CDYL: variants seen among roughly 807,000 people sequenced by gnomAD.
CDYL encodes the protein chromodomain Y like, also known as chromodomain Y-like protein.
CDYL carries 8 observed loss-of-function variants against 47.3 expected under a neutral mutation model. That is an observed-to-expected ratio of 0.17 (90% CI 0.10 to 0.31). CDYL has a LOEUF of 0.31. CDYL is among the 10% of genes least tolerant of loss of function. The pLI is 1.00. For missense variants in CDYL, 471 were observed against 701.4 expected, an observed-to-expected ratio of 0.67 and a Z score of 3.71; for synonymous variants, 266 against 265.0, an observed-to-expected ratio of 1.00 and a Z score of -0.04.
chr6:4,811,259 A>G (rs1561648859), intron 1 of CDYL, among the ~76,000 whole-genome samples: 1 of 152,258 alleles, frequency 6.6e-6, no homozygotes, highest in Non-Finnish European at 1.5e-5. Flanking sequence ...TATGTTGCAT[A>G]GATAATACTA....
chr6:4,809,002 C>T (rs549112700), intron 1 of CDYL, among the ~76,000 whole-genome samples: 1 of 152,160 alleles, frequency 6.6e-6, no homozygotes, highest in Non-Finnish European at 1.5e-5. Flanking sequence ...GGTATACACT[C>T]AGAAAAGCCT....
intron 2 of CDYL, among the ~76,000 whole-genome samples, chr6:4,912,155 C>T (rs1757432779): frequency 6.6e-6 from 1 of 152,150 alleles, no homozygotes; most frequent in Non-Finnish European, 1.5e-5. Context: ...CGAGATGATC[C>T]CTGGTGGGAG....
intron 1 of CDYL, among the ~76,000 whole-genome samples, chr6:4,815,811 C>T (rs563490692): frequency 6.6e-6 from 1 of 151,014 alleles, no homozygotes; most frequent in South Asian, 2.1e-4. Flanking sequence ...AATTTACTGC[C>T]TGTTTTGGCT....
intron 2 of CDYL, among the ~76,000 whole-genome samples, chr6:4,902,789 T>G (rs1407047779): frequency 6.6e-6 from 1 of 152,234 alleles, no homozygotes; most frequent in East Asian, 1.9e-4. Flanking sequence ...GCAGAAGGTT[T>G]AACTAACGTG....
intron 3 of CDYL, among the ~76,000 whole-genome samples, chr6:4,770,960 T>C (rs1297337567): frequency 3.3e-5 from 5 of 152,222 alleles, no homozygotes; most frequent in South Asian, 2.1e-4. Context: ...TATATGTGCG[T>C]GCATATATAA....
chr6:4,889,203 C>CA (rs1761973226), intron 1 of CDYL, among the ~76,000 whole-genome samples: 1 of 152,012 alleles, frequency 6.6e-6, no homozygotes, highest in Non-Finnish European at 1.5e-5. Context: ...CCGGTTAACT[C>CA]AAAGAATGGT....
chr6:4,853,267 C>T (rs1328662741), intron 1 of CDYL, among the ~76,000 whole-genome samples: 1 of 152,170 alleles, frequency 6.6e-6, no homozygotes, highest in Non-Finnish European at 1.5e-5. Context: ...AGAATTACCA[C>T]ATTCAGTTCT....
intron 1 of CDYL, among the ~76,000 whole-genome samples, chr6:4,891,436 C>T (rs1008102134): frequency 1.3e-5 from 2 of 152,066 alleles, no homozygotes; most frequent in African/African-American, 2.4e-5. Flanking sequence ...GGCTTCAACA[C>T]AGAAATAGCA....
In CDYL at chr6:4,909,704, G is replaced by A. The variant is rs148179077; in HGVS notation, c.691+17325G>A. 5.7e-4 allele frequency among the ~76,000 whole-genome samples: 87 copies of A among 151,816 alleles called. 2 individuals are homozygous for A. Among genetic ancestry groups the A allele is most frequent in the Middle Eastern group, 3.5e-3 (1 of 286 alleles). On this transcript the variant is annotated intron_variant, in intron 2 of 6. Coordinates refer to ENST00000397588, the MANE Select transcript of CDYL (RefSeq NM_004824.4). ...CCTGCCTCAGCCTCCCGATTTAGCT[G>A]GGACTACAGGCTCCCACCACCACGC...
At chr6:4,840,741 A>G (rs935481952) in intron 1 of CDYL, among the ~76,000 whole-genome samples, 14 of 151,870 alleles carry the variant, frequency 9.2e-5, no homozygotes, top group African/African-American at 3.4e-4. Flanking sequence ...CTGATATGAA[A>G]CCCACTTGAT....
At chr6:4,723,997 C>T (rs1031142238) in intron 2 of CDYL, among the ~76,000 whole-genome samples, 3 of 152,196 alleles carry the variant, frequency 2.0e-5, no homozygotes, top group African/African-American at 7.2e-5. Flanking sequence ...TTATTTTACT[C>T]ATCCCACATA....
chr6:4,894,652 G>A (rs535700507), intron 2 of CDYL, among the ~76,000 whole-genome samples: 12 of 152,044 alleles, frequency 7.9e-5, no homozygotes, highest in Non-Finnish European at 1.6e-4. Context: ...GTTTCACCAC[G>A]TTGGCCAGGC....
chr6:4,925,969 G>T (rs1266715999), intron 2 of CDYL, among the ~76,000 whole-genome samples: 1 of 152,162 alleles, frequency 6.6e-6, no homozygotes, highest in African/African-American at 2.4e-5. Flanking sequence ...CAACTAGTTA[G>T]GTAGATTTCA....
chr6:4,814,798 C>T (rs980128531), intron 1 of CDYL, among the ~76,000 whole-genome samples: 9 of 152,200 alleles, frequency 5.9e-5, no homozygotes, highest in Admixed American at 5.9e-4. Context: ...GCTGGAATTA[C>T]AGGTGGGAGC....
intron 1 of CDYL, among the ~76,000 whole-genome samples, chr6:4,864,083 A>G (rs1761251325): frequency 6.6e-6 from 1 of 152,218 alleles, no homozygotes; most frequent in Non-Finnish European, 1.5e-5. Context: ...GGATTTCCAC[A>G]GTAATCATAG....
Position 4,760,866 on chromosome 6 carries a change from T to C in CDYL, c.186+26022T>C, listed in dbSNP as rs1057372828. Among the ~76,000 whole-genome samples, 5 of 151,932 alleles carry C rather than the reference T, an allele frequency of 3.3e-5. No individual in the cohort carries two copies. In the South Asian group the frequency reaches 8.3e-4, roughly 25 times the overall value. ...GAGCCTTCTGGGATTTTTTTTTTTTTCTGGGATTCTCTCTCAACCAACCCA... is the reference window on the plus strand; with the variant it reads ...GAGCCTTCTGGGATTTTTTTTTTTTCCTGGGATTCTCTCTCAACCAACCCA... On this transcript the variant is annotated intron_variant, in intron 3 of 8. Coordinates refer to the CDYL transcript ENST00000328908.
At chr6:4,804,666 A>G (rs1398096608) in intron 1 of CDYL, among the ~76,000 whole-genome samples, 62 of 152,292 alleles carry the variant, frequency 4.1e-4, no homozygotes, top group Non-Finnish European at 7.4e-5. Context: ...CTGTTTTTCA[A>G]ACTTGACTGT....
chr6:4,811,446 T>C (rs1759526223), intron 1 of CDYL, among the ~76,000 whole-genome samples: 1 of 152,200 alleles, frequency 6.6e-6, no homozygotes, highest in South Asian at 2.1e-4. Context: ...TTCTGGTCAG[T>C]TATGGATTCT....
At chr6:4,737,619 C>G (rs9504225) in intron 3 of CDYL, among the ~76,000 whole-genome samples, 1 of 148,606 alleles carries the variant, frequency 6.7e-6, no homozygotes, top group African/African-American at 2.5e-5. Context: ...AAAACTCCGT[C>G]TCAAAAAAAA....
Sources: allele counts gnomAD v4.1 joint callset (sites outside exome capture counted in the v4.1 genomes callset), GRCh38; gene constraint gnomAD v4.1.1; transcripts MANE v1.5; gene names NCBI Gene and HGNC (gene_info 2026-07-23, HGNC 2026-07-21).